Variants in RABGAP1L observed in about 807,000 individuals in gnomAD.
RABGAP1L encodes the protein RAB GTPase activating protein 1 like, also known as rab GTPase-activating protein 1-like.
A neutral mutation model predicts 137.7 loss-of-function variants in RABGAP1L; 63 were observed. That is an observed-to-expected ratio of 0.46 (90% CI 0.37 to 0.56). The LOEUF (loss-of-function observed/expected upper bound fraction) is 0.56, where lower values mean the gene tolerates loss of function less well. Ranked by LOEUF, RABGAP1L falls within the 20% of genes least tolerant of loss-of-function variation. RABGAP1L has a pLI of 0.00. For synonymous variants in RABGAP1L, 431 were observed against 433.7 expected (o/e 0.99, Z 0.08); for missense variants, 1,095 against 1,244.0 (o/e 0.88, Z 1.80).
chr1:174,867,080 C>G (rs559091887), intron 19 of RABGAP1L, among the ~76,000 whole-genome samples: 1 of 151,530 alleles, frequency 6.6e-6, no homozygotes, highest in Middle Eastern at 3.4e-3. Flanking sequence ...AGAGAGAAAC[C>G]CTGTCTCAAA....
At position 174,990,024 on chromosome 1, in the gene RABGAP1L, G is replaced by A. The variant is rs1250150102; in HGVS notation, c.*23G>A. On this transcript the variant is annotated 3_prime_UTR_variant, in exon 26 of 26. Transcript: ENST00000681986. The stretch of plus-strand genomic sequence containing the variant: ...TAGTTCCAGCCTTACCCAAGCACAA[G>A]AGCACAATGTTCAAACCAATGGAAA... The A allele has an allele frequency of 1.3e-6, 2 of 1,513,452 alleles. No homozygotes were observed. Among genetic ancestry groups the A allele is most frequent in the Non-Finnish European group, 9.0e-7 (1 of 1,114,112 alleles). 93.8% of individuals were successfully genotyped at this position (1,513,452 alleles called of 1,614,324 possible). A position where few individuals can be genotyped will look rare whatever the true frequency, so the allele number is the denominator to read the frequency against.
At chr1:174,665,215 G>A (rs1193702749) in intron 14 of RABGAP1L, among the ~76,000 whole-genome samples, 1 of 152,156 alleles carries the variant, frequency 6.6e-6, no homozygotes, top group African/African-American at 2.4e-5. Flanking sequence ...GGGCTCTGGA[G>A]CTGGACTGCC....
At chr1:174,231,689 C>T (rs1431038452) in intron 4 of RABGAP1L, among the ~76,000 whole-genome samples, 2 of 152,104 alleles carry the variant, frequency 1.3e-5, no homozygotes, top group Non-Finnish European at 2.9e-5. Flanking sequence ...GGGGAGGCCT[C>T]AGGAAACTTA....
At chr1:174,850,496 A>G (rs962599367) in intron 19 of RABGAP1L, among the ~76,000 whole-genome samples, 3 of 152,164 alleles carry the variant, frequency 2.0e-5, no homozygotes, top group African/African-American at 7.2e-5. Context: ...TACCATTTGC[A>G]TATGGTACTC....
At chr1:174,560,341 T>C (rs564083808) in intron 13 of RABGAP1L, among the ~76,000 whole-genome samples, 1 of 152,280 alleles carries the variant, frequency 6.6e-6, no homozygotes, top group South Asian at 2.1e-4. Context: ...TCAGTTCTTT[T>C]TTCAGTCACA....
intron 19 of RABGAP1L, among the ~76,000 whole-genome samples, chr1:174,841,032 T>C (rs1428016561): frequency 6.6e-6 from 1 of 151,910 alleles, no homozygotes; most frequent in African/African-American, 2.4e-5. Context: ...AAGCAGAAAC[T>C]ACAGAAAATA....
At chr1:174,887,976 G>T (rs1655448982) in intron 19 of RABGAP1L, among the ~76,000 whole-genome samples, 1 of 152,046 alleles carries the variant, frequency 6.6e-6, no homozygotes. Flanking sequence ...GGCAGAGGTT[G>T]CAGTGAGCTG....
chr1:174,204,605 A>C (rs1668369450), intron 1 of RABGAP1L, among the ~76,000 whole-genome samples: 1 of 152,116 alleles, frequency 6.6e-6, no homozygotes, highest in African/African-American at 2.4e-5. Flanking sequence ...AATTTTTAAC[A>C]TGAAGGGGTG....
chr1:174,713,974 G>A (rs553125091), intron 17 of RABGAP1L, among the ~76,000 whole-genome samples: 2 of 152,028 alleles, frequency 1.3e-5, no homozygotes, highest in Non-Finnish European at 2.9e-5. Flanking sequence ...CTCCTCTACT[G>A]AAAACCCTTC....
chr1:174,823,265 G>C (rs1691227995), intron 19 of RABGAP1L, among the ~76,000 whole-genome samples: 1 of 152,042 alleles, frequency 6.6e-6, no homozygotes, highest in Non-Finnish European at 1.5e-5. Flanking sequence ...TTTCTGAAGT[G>C]TTTTGCCAAT....
intron 19 of RABGAP1L, chr1:174,893,115 A>AAT: frequency 2.9e-6 from 1 of 345,174 alleles, no homozygotes; most frequent in Non-Finnish European, 6.0e-6. Flanking sequence ...AATTTTTTAT[A>AAT]ATACATCATT....
chr1:174,670,720 T>C (rs987284203), intron 14 of RABGAP1L, among the ~76,000 whole-genome samples: 2 of 152,144 alleles, frequency 1.3e-5, no homozygotes, highest in Admixed American at 6.6e-5. Flanking sequence ...GTTGTTGCAA[T>C]TGATAGGATA....
intron 17 of RABGAP1L, among the ~76,000 whole-genome samples, chr1:174,716,961 G>A (rs1035419230): frequency 6.6e-6 from 1 of 152,086 alleles, no homozygotes; most frequent in African/African-American, 2.4e-5. Flanking sequence ...ACCCTACTTT[G>A]TAGACTCTAA....
intron 13 of RABGAP1L, among the ~76,000 whole-genome samples, chr1:174,395,741 TGAGAGGCTGAAG>T (rs1477232229): frequency 6.6e-6 from 1 of 151,598 alleles, no homozygotes; most frequent in African/African-American, 2.4e-5. Flanking sequence ...TCTCAGCTAT[TGAGAGGCTGAAG>T]TGGGAGGACT....
chr1:174,807,252 A>T (rs917814633), intron 18 of RABGAP1L, among the ~76,000 whole-genome samples: 8 of 152,166 alleles, frequency 5.3e-5, no homozygotes, highest in African/African-American at 9.7e-5. Context: ...CTTTTAAAAA[A>T]TTTTTTATTT....
At chr1:174,824,305 A>T (rs1205746081) in intron 19 of RABGAP1L, among the ~76,000 whole-genome samples, 1 of 151,590 alleles carries the variant, frequency 6.6e-6, no homozygotes, top group Non-Finnish European at 1.5e-5. Flanking sequence ...AAATATATAG[A>T]TATAGATATA....
At chr1:174,773,281 C>T (rs1686271086) in intron 18 of RABGAP1L, among the ~76,000 whole-genome samples, 1 of 152,024 alleles carries the variant, frequency 6.6e-6, no homozygotes, top group Non-Finnish European at 1.5e-5. Context: ...ATCCTAGCTA[C>T]TTGGAAGGCT....
At chr1:174,477,064 C>T (rs557271694) in intron 13 of RABGAP1L, among the ~76,000 whole-genome samples, 2 of 152,156 alleles carry the variant, frequency 1.3e-5, no homozygotes, top group Admixed American at 1.3e-4. Flanking sequence ...TGCTTGTGTA[C>T]CATAGTCCCA....
intron 7 of RABGAP1L, among the ~76,000 whole-genome samples, chr1:174,270,203 T>C (rs1248691292): frequency 6.6e-6 from 1 of 151,758 alleles, no homozygotes; most frequent in Non-Finnish European, 1.5e-5. Flanking sequence ...GGCTTTTTTT[T>C]TTTTTCCAGG....
Sources: gnomAD v4.1 joint callset for allele counts (sites outside exome capture counted in the v4.1 genomes callset) on GRCh38, gnomAD v4.1.1 for gene constraint, MANE v1.5 for transcripts, NCBI Gene and HGNC (gene_info 2026-07-23, HGNC 2026-07-21) for gene names.